ERLIN1: variants seen among roughly 807,000 people sequenced by gnomAD.
The protein encoded by ERLIN1 is ER lipid raft associated 1.
ERLIN1 carries 24 observed loss-of-function variants against 46.9 expected under a neutral mutation model. That is an observed-to-expected ratio of 0.51 (90% CI 0.37 to 0.72). The LOEUF is 0.72. Ranked by LOEUF, ERLIN1 falls within the 30% of genes least tolerant of loss-of-function variation. ERLIN1 has a pLI of 0.00. For synonymous variants in ERLIN1, 158 were observed against 143.2 expected, an observed-to-expected ratio of 1.10 and a Z score of -0.74; for missense variants, 293 against 417.9, an observed-to-expected ratio of 0.70 and a Z score of 2.61.
Position 100,156,137 on chromosome 10 carries a change from C to T in ERLIN1, c.745+8G>A. On this transcript the variant is annotated splice_region_variant and intron_variant, in intron 9 of 10. Transcript: ENST00000421367. ...CAGGCAGAGCTTCATCCTCTCCCCACAATGTACCTTCGATTTCAGAAATGC... is the reference window on the plus strand; with the variant it reads ...CAGGCAGAGCTTCATCCTCTCCCCATAATGTACCTTCGATTTCAGAAATGC... 1.3e-6 allele frequency: 2 copies of T among 1,597,728 alleles called. No individual in the cohort carries two copies. Among genetic ancestry groups the T allele is most frequent in the Non-Finnish European group, 1.7e-6 (2 of 1,166,742 alleles).
At chr10:100,157,207 GTTACCA>G (rs2065637693) in intron 8 of ERLIN1, among the ~76,000 whole-genome samples, 1 of 152,178 alleles carries the variant, frequency 6.6e-6, no homozygotes, top group South Asian at 2.1e-4. Context: ...CTACTGTTAA[GTTACCA>G]TTAGGGAAAT....
At chr10:100,162,389 A>C (rs1843403296) in intron 8 of ERLIN1, among the ~76,000 whole-genome samples, 1 of 152,202 alleles carries the variant, frequency 6.6e-6, no homozygotes, top group Non-Finnish European at 1.5e-5. Flanking sequence ...AACTCCAAGG[A>C]CCAAGAAGGA....
At chr10:100,177,451 C>A (rs977901220) in intron 4 of ERLIN1, among the ~76,000 whole-genome samples, 4 of 152,124 alleles carry the variant, frequency 2.6e-5, no homozygotes, top group African/African-American at 9.7e-5. Context: ...ACCTTACATC[C>A]CAATATATCC....
At chr10:100,164,944 C>T (rs1040002325) in intron 7 of ERLIN1, among the ~76,000 whole-genome samples, 3 of 152,000 alleles carry the variant, frequency 2.0e-5, no homozygotes, top group African/African-American at 7.2e-5. Flanking sequence ...GGTCCCATCC[C>T]TGAGATATCT....
chr10:100,181,383 A>ATTTATATGG (rs1844633430), intron 2 of ERLIN1, among the ~76,000 whole-genome samples: 1 of 152,186 alleles, frequency 6.6e-6, no homozygotes, highest in African/African-American at 2.4e-5. Flanking sequence ...TCATATATGG[A>ATTTATATGG]ATTTCACATT....
intron 9 of ERLIN1, among the ~76,000 whole-genome samples, chr10:100,155,537 C>CG (rs1414047620): frequency 2.7e-5 from 4 of 150,796 alleles, no homozygotes; most frequent in African/African-American, 9.8e-5. Flanking sequence ...TTTTTTGAGA[C>CG]GGAGTCTCGC....
At chr10:100,175,010 T>C (rs1431348539) in intron 5 of ERLIN1, among the ~76,000 whole-genome samples, 4 of 152,354 alleles carry the variant, frequency 2.6e-5, no homozygotes, top group South Asian at 2.1e-4. Flanking sequence ...TGGTAGATTT[T>C]AAATTGATTA....
At chr10:100,167,251 C>T in intron 7 of ERLIN1, 97 bp downstream of exon 7, 1 of 874,074 alleles carries the variant, frequency 1.1e-6, no homozygotes, top group East Asian at 2.4e-5. Context: ...CATACTCCAC[C>T]CCAGAGTGTA....
intron 2 of ERLIN1, among the ~76,000 whole-genome samples, chr10:100,182,511 A>G (rs1185976929): frequency 2.0e-5 from 3 of 152,204 alleles, no homozygotes; most frequent in Non-Finnish European, 4.4e-5. Flanking sequence ...CTGGGTCCCC[A>G]TGTTCATTAC....
In ERLIN1 at chr10:100,174,232, G is replaced by A; in HGVS notation, c.480C>T (p.Leu160=). 6.4e-7 allele frequency: 1 copy of A among 1,564,574 alleles called. No homozygotes were observed. Among genetic ancestry groups the A allele is most frequent in the South Asian group, 1.2e-5 (1 of 85,074 alleles). ...LKQALQKDLN[L]MAPGLTIQAV... ...CCTGTATAGTGAGACCTGGGGCCAT[G>A]AGGTTTAAGTCTTTCTGCAGAGCTT... The change falls in exon 6 of 11, where the codon CTC becomes CTT. Residue 160 remains leucine (L), a synonymous_variant. Transcript: ENST00000421367.
chr10:100,174,430 G>T, intron 5 of ERLIN1, 149 bp from the exon 6 acceptor site: 1 of 584,316 alleles, frequency 1.7e-6, no homozygotes, highest in Non-Finnish European at 3.0e-6. Flanking sequence ...CTTCCCTTTT[G>T]TGTGGGAAAA....
rs925266972 is a variant in ERLIN1, at chr10:100,151,664, A to G, written c.*467T>C. Reference sequence around the variant, plus strand: ...CTTAATCACATGGATGAAGGCTGGGACTGGATCCCAAAGAAAGGGCCTGGG... The same window carrying G: ...CTTAATCACATGGATGAAGGCTGGGGCTGGATCCCAAAGAAAGGGCCTGGG... On this transcript the variant is annotated 3_prime_UTR_variant, in exon 11 of 11. Coordinates refer to ENST00000421367, the MANE Select transcript of ERLIN1 (RefSeq NM_006459.4). The G allele has an allele frequency of 8.8e-6, 2 of 226,730 alleles. No individual in the cohort carries two copies. The highest frequency in any genetic ancestry group is 4.5e-5 in the African/African-American group (2 of 43,996). 14.0% of individuals were successfully genotyped at this position (226,730 alleles called of 1,614,324 possible).
chr10:100,168,769 T>C (rs1454726505), intron 6 of ERLIN1, among the ~76,000 whole-genome samples: 2 of 151,016 alleles, frequency 1.3e-5, no homozygotes, highest in Non-Finnish European at 2.9e-5. Context: ...AACCTCCGCC[T>C]CCCAGGTTCA....
chr10:100,154,755 T>C (rs1842985249), intron 10 of ERLIN1, 105 bp downstream of exon 10: 1 of 893,244 alleles, frequency 1.1e-6, no homozygotes, highest in African/African-American at 1.7e-5. Flanking sequence ...GTCACTACAC[T>C]TTCTTGACAA....
chr10:100,171,844 C>CT (rs1844015096), intron 6 of ERLIN1, among the ~76,000 whole-genome samples: 1 of 152,156 alleles, frequency 6.6e-6, no homozygotes, highest in Non-Finnish European at 1.5e-5. Context: ...AAATAACAGA[C>CT]TAATTTTCTC....
intron 7 of ERLIN1, among the ~76,000 whole-genome samples, chr10:100,165,329 GATTT>G (rs1304978713): frequency 1.3e-5 from 2 of 151,068 alleles, no homozygotes; most frequent in African/African-American, 2.4e-5. Context: ...TGAATACTAT[GATTT>G]ATTTGAGAGC....
chr10:100,153,788 A>G (rs758228156), intron 10 of ERLIN1, among the ~76,000 whole-genome samples: 5 of 152,186 alleles, frequency 3.3e-5, no homozygotes, highest in Non-Finnish European at 7.3e-5. Context: ...GTGCCTGACG[A>G]GCTTCTCCCA....
intron 6 of ERLIN1, among the ~76,000 whole-genome samples, chr10:100,169,130 CAA>C (rs1428069676): frequency 6.6e-6 from 1 of 152,154 alleles, no homozygotes; most frequent in Non-Finnish European, 1.5e-5. Context: ...TAAGTTGCAT[CAA>C]AAGAGATTTT....
rs1844935731 is a variant in ERLIN1, at chr10:100,185,760, C to A, written c.-134G>T. The stretch of plus-strand genomic sequence containing the variant: ...GGCTGAGCCGGGGAGTCCAGTACCC[C>A]TGTCCCCTCATTCTTCCCTTCTGGC... On this transcript the variant is annotated 5_prime_UTR_variant, in exon 1 of 11. It adds an upstream start codon to the 5' untranslated region. Transcript: ENST00000421367. 2.9e-6 allele frequency: 2 copies of A among 682,014 alleles called. No homozygotes were observed. Among genetic ancestry groups the A allele is most frequent in the African/African-American group, 1.8e-5 (1 of 55,762 alleles). 42.2% of individuals were successfully genotyped at this position (682,014 alleles called of 1,614,324 possible).
Sources: gnomAD v4.1 joint callset for allele counts (sites outside exome capture counted in the v4.1 genomes callset) on GRCh38, gnomAD v4.1.1 for gene constraint, MANE v1.5 for transcripts, NCBI Gene and HGNC (gene_info 2026-07-23, HGNC 2026-07-21) for gene names.